The following ARHGAP23 variants were observed in gnomAD, a reference collection of about 807,000 sequenced individuals.
ARHGAP23 encodes the protein rho GTPase-activating protein 23.
A neutral mutation model predicts 136.3 loss-of-function variants in ARHGAP23; 34 were observed. The ratio of observed to expected loss-of-function variants is 0.25; its 90% CI spans 0.19 to 0.33. The LOEUF (loss-of-function observed/expected upper bound fraction) is 0.33, where lower values mean the gene tolerates loss of function less well. ARHGAP23 is among the 10% of genes least tolerant of loss of function. The pLI, the probability that ARHGAP23 is intolerant of heterozygous loss-of-function variation, is 1.00. For synonymous variants in ARHGAP23, 832 were observed against 920.5 expected (o/e 0.90, Z 1.74); for missense variants, 1,808 against 2,139.0 (o/e 0.85, Z 3.05).
intron 23 of ARHGAP23, among the ~76,000 whole-genome samples, chr17:38,509,135 C>T (rs1411402034): frequency 1.3e-5 from 2 of 151,862 alleles, no homozygotes; most frequent in African/African-American, 4.8e-5. Context: ...AGGCCATGGG[C>T]GGCAGCATGG....
At chr17:38,476,882 G>A (rs1354813797) in intron 11 of ARHGAP23, among the ~76,000 whole-genome samples, 1 of 152,164 alleles carries the variant, frequency 6.6e-6, no homozygotes, top group Non-Finnish European at 1.5e-5. Flanking sequence ...TCTCCTGGCT[G>A]TTTAACTACA....
chr17:38,484,541 G>A (rs928607803), intron 16 of ARHGAP23, among the ~76,000 whole-genome samples: 8 of 152,264 alleles, frequency 5.3e-5, no homozygotes, highest in South Asian at 2.1e-4. Context: ...GGAGAGGGCC[G>A]CCAGTGAGGC....
Position 38,477,956 on chromosome 17 carries a change from G to A in ARHGAP23, c.2436+60G>A. The A allele has an allele frequency of 1.3e-6, 2 of 1,526,908 alleles. No homozygotes were observed. Among genetic ancestry groups the A allele is most frequent in the Non-Finnish European group, 1.8e-6 (2 of 1,128,184 alleles). 94.6% of individuals were successfully genotyped at this position (1,526,908 alleles called of 1,614,324 possible). ...CGGGCGGGGTGGCCTCTCACCGGCT[G>A]TGGACCTGGGATGCCCGCTCTGAGC... is the stretch of plus-strand genomic sequence containing the variant. On this transcript the variant is annotated intron_variant, in intron 12 of 23. Transcript: ENST00000622683. The surrounding 1 kb of genome is among the most constrained non-coding windows in gnomAD (Gnocchi z 6.6).
At chr17:38,481,436 C>T (rs1332805733) in intron 14 of ARHGAP23, among the ~76,000 whole-genome samples, 3 of 152,122 alleles carry the variant, frequency 2.0e-5, no homozygotes, top group East Asian at 1.9e-4. Context: ...CGTAAGCCAC[C>T]GCGCCCGGCC....
chr17:38,440,017 C>T (rs1213279355), intron 1 of ARHGAP23, among the ~76,000 whole-genome samples: 5 of 143,490 alleles, frequency 3.5e-5, no homozygotes, highest in African/African-American at 7.9e-5. Context: ...CTTGAGCTAC[C>T]GAGCCCAGTC....
intron 1 of ARHGAP23, among the ~76,000 whole-genome samples, chr17:38,446,385 T>C (rs922509487): frequency 6.6e-6 from 1 of 152,122 alleles, no homozygotes; most frequent in Admixed American, 6.6e-5. Context: ...GTATGTATTA[T>C]ATGTAATACA....
chr17:38,469,959 G>T (rs549826105), intron 10 of ARHGAP23, 55 bp downstream of exon 10: 1 of 1,540,570 alleles, frequency 6.5e-7, no homozygotes, highest in African/African-American at 1.4e-5. Flanking sequence ...GGGAGAGAGG[G>T]TGTCAGGGAG....
At position 38,480,062 on chromosome 17, in the gene ARHGAP23, G is replaced by A. The variant is rs116172938; in HGVS notation, c.2629+179G>A. 4.7e-3 allele frequency among the ~76,000 whole-genome samples: 722 copies of A among 152,184 alleles called. 5 individuals are homozygous for A. Among genetic ancestry groups the A allele is most frequent in the African/African-American group, 0.017 (693 of 41,516 alleles). ...AGGGTCTAGGGGCTCTCAGGGTCTCGGGGTGGAAGGGCCTGGAGCCTGATT... is the reference window on the plus strand; with the variant it reads ...AGGGTCTAGGGGCTCTCAGGGTCTCAGGGTGGAAGGGCCTGGAGCCTGATT... On this transcript the variant is annotated intron_variant, in intron 14 of 23. Transcript: ENST00000622683.
chr17:38,476,474 G>A (rs1283528005), intron 11 of ARHGAP23, among the ~76,000 whole-genome samples: 3 of 152,272 alleles, frequency 2.0e-5, no homozygotes, highest in South Asian at 2.1e-4. Flanking sequence ...GGGGTTTGAT[G>A]GTAAGAAATC....
rs564323000 is a variant in ARHGAP23 at position 38,496,139 on chromosome 17, C to T, written c.3277-1646C>T. On this transcript the variant is annotated intron_variant, in intron 20 of 23. Coordinates refer to ENST00000622683, the MANE Select transcript of ARHGAP23 (RefSeq NM_001199417.2). ...TCTCAAACTCCTGACCTCAGGTGAT[C>T]CGCCCGCCTCAGCCTCCCAAAGTGC... is the stretch of plus-strand genomic sequence containing the variant. Among the ~76,000 whole-genome samples, 5 of 152,028 alleles carry T rather than the reference C, an allele frequency of 3.3e-5. No individual in the cohort carries two copies. In the East Asian group the frequency reaches 7.7e-4, roughly 24 times the overall value.
At chr17:38,439,626 G>T (rs991166028) in intron 1 of ARHGAP23, among the ~76,000 whole-genome samples, 22 of 152,182 alleles carry the variant, frequency 1.4e-4, no homozygotes, top group African/African-American at 5.1e-4. Context: ...TCTTTAATCT[G>T]CACAACAATC....
intron 6 of ARHGAP23, among the ~76,000 whole-genome samples, chr17:38,465,041 G>T (rs897021551): frequency 1.3e-5 from 2 of 151,384 alleles, no homozygotes; most frequent in African/African-American, 2.4e-5. Flanking sequence ...GACGGAGGGG[G>T]ACCGGAGGCC....
chr17:38,484,664 G>C (rs1261404757), intron 16 of ARHGAP23, among the ~76,000 whole-genome samples: 1 of 152,176 alleles, frequency 6.6e-6, no homozygotes, highest in East Asian at 1.9e-4. Context: ...GGAGGTAACG[G>C]AGTCGGGTGG....
At chr17:38,470,405 G>A (rs1338339335) in intron 10 of ARHGAP23, among the ~76,000 whole-genome samples, 5 of 152,170 alleles carry the variant, frequency 3.3e-5, no homozygotes, top group Non-Finnish European at 5.9e-5. Context: ...TTTGCATCGC[G>A]TCTTGTCTTC....
chr17:38,441,934 C>T (rs1021707544), intron 1 of ARHGAP23, among the ~76,000 whole-genome samples: 4 of 151,936 alleles, frequency 2.6e-5, no homozygotes, highest in African/African-American at 9.7e-5. Flanking sequence ...AAGCAGCTCC[C>T]CCCTTTTTCC....
intron 1 of ARHGAP23, among the ~76,000 whole-genome samples, chr17:38,443,229 C>T (rs2038957783): frequency 6.6e-6 from 1 of 152,176 alleles, no homozygotes; most frequent in South Asian, 2.1e-4. Flanking sequence ...GCAGGTCACC[C>T]AGCATTCCCT....
chr17:38,499,348 C>G (rs2040469894), intron 22 of ARHGAP23, among the ~76,000 whole-genome samples: 1 of 152,248 alleles, frequency 6.6e-6, no homozygotes, highest in Admixed American at 6.5e-5. Flanking sequence ...ACTCCTGCCT[C>G]AGTCACCCCA....
At chr17:38,499,642 C>T (rs2040476917) in intron 22 of ARHGAP23, among the ~76,000 whole-genome samples, 2 of 152,082 alleles carry the variant, frequency 1.3e-5, no homozygotes, top group Non-Finnish European at 2.9e-5. Context: ...AGAGAGGGAC[C>T]CCATGTCTCT....
Position 38,477,243 on chromosome 17 carries a change from A to G in ARHGAP23, c.2119-336A>G, listed in dbSNP as rs1340717211. Among the ~76,000 whole-genome samples, 5 of 151,842 alleles carry G rather than the reference A, an allele frequency of 3.3e-5. No individual in the cohort carries two copies. Among genetic ancestry groups the G allele is most frequent in the African/African-American group, 1.2e-4 (5 of 41,274 alleles). On this transcript the variant is annotated intron_variant, in intron 11 of 23. Coordinates refer to ENST00000622683, the MANE Select transcript of ARHGAP23 (RefSeq NM_001199417.2). The surrounding 1 kb of genome is among the most constrained non-coding windows in gnomAD (Gnocchi z 6.6). ...GGGAGGGGCGTGGGCTGGGAATGGC[A>G]TCCCCAGGATTTCATGTATGGAGGG... is the stretch of plus-strand genomic sequence containing the variant.
Sources: allele counts gnomAD v4.1 joint callset (sites outside exome capture counted in the v4.1 genomes callset), GRCh38; gene constraint gnomAD v4.1.1; non-coding constraint Gnocchi (gnomAD v3.1); transcripts MANE v1.5; gene names NCBI Gene and HGNC (gene_info 2026-07-23, HGNC 2026-07-21).